Variants in GASK1A observed in about 807,000 individuals in gnomAD.
GASK1A encodes the protein Golgi-associated kinase 1A.
GASK1A carries 40 observed loss-of-function variants against 41.2 expected under a neutral mutation model. That is an observed-to-expected ratio of 0.97 (90% CI 0.75 to 1.27). The LOEUF is 1.27. GASK1A is among the 50% of genes most tolerant of loss of function. The probability of loss-of-function intolerance (pLI) is 0.00; values close to 1 mark genes in which losing one functional copy is unlikely to be tolerated. For missense variants in GASK1A, 678 were observed against 745.1 expected, an observed-to-expected ratio of 0.91 and a Z score of 1.05; for synonymous variants, 316 against 307.1, an observed-to-expected ratio of 1.03 and a Z score of -0.30.
intron 1 of GASK1A, among the ~76,000 whole-genome samples, chr3:43,025,591 C>G (rs2089543135): frequency 6.6e-6 from 1 of 152,176 alleles, no homozygotes; most frequent in Admixed American, 6.5e-5. Flanking sequence ...AAGAATGCGG[C>G]TAAGTGATCA....
chr3:43,029,556 T>C (rs138074708), intron 1 of GASK1A, among the ~76,000 whole-genome samples: 188 of 152,160 alleles, frequency 1.2e-3, no homozygotes, highest in African/African-American at 4.2e-3. Flanking sequence ...CAACCCCTTG[T>C]AGATGAGGGA....
chr3:42,999,585 G>A (rs896245376), intron 1 of GASK1A, among the ~76,000 whole-genome samples: 1 of 152,192 alleles, frequency 6.6e-6, no homozygotes, highest in Non-Finnish European at 1.5e-5. Context: ...TGTTGCCCAG[G>A]GACTCCTACA....
chr3:42,979,563 G>C lies in GASK1A; in HGVS notation c.-80G>C, dbSNP rs2089269067. On this transcript the variant is annotated 5_prime_UTR_variant, in exon 1 of 5. Transcript: ENST00000430121. The stretch of plus-strand genomic sequence containing the variant: ...GGGAAGCCTGGCGAGCCACGGCGCC[G>C]GGGGCGGCCAAGGGGAGGCGGGATG... The C allele has an allele frequency of 8.1e-7, 1 of 1,231,164 alleles. No homozygotes were observed. The highest frequency in any genetic ancestry group is 4.1e-5 in the South Asian group (1 of 24,222). The allele number at this position is 1,231,164 out of a possible 1,614,324, so 76.3% of individuals were successfully genotyped here. A position where few individuals can be genotyped will look rare whatever the true frequency, so the allele number is the denominator to read the frequency against.
At chr3:43,000,228 G>A (rs967913609) in intron 1 of GASK1A, among the ~76,000 whole-genome samples, 1 of 100,552 alleles carries the variant, frequency 9.9e-6, no homozygotes, top group African/African-American at 3.3e-5. Context: ...GCGTGCTCCT[G>A]GGGCCGAGTG....
chr3:42,996,977 G>A (rs1355190532), intron 1 of GASK1A, among the ~76,000 whole-genome samples: 6 of 152,234 alleles, frequency 3.9e-5, no homozygotes, highest in African/African-American at 1.2e-4. Context: ...CAGAGAGCTG[G>A]CAGCTGCATG....
chr3:43,014,121 T>G (rs1575441561), intron 1 of GASK1A, among the ~76,000 whole-genome samples: 1 of 151,456 alleles, frequency 6.6e-6, no homozygotes, highest in African/African-American at 2.4e-5. Flanking sequence ...GAAGGGGCTG[T>G]GTGAAGCCAC....
At chr3:43,037,487 G>C in intron 2 of GASK1A, 1 of 558,616 alleles carries the variant, frequency 1.8e-6, no homozygotes, top group East Asian at 2.8e-5. Flanking sequence ...ATGCTGGAAG[G>C]GTAAGGTATT....
At chr3:43,054,056 C>G (rs2089704830) in intron 3 of GASK1A, 1 of 337,474 alleles carries the variant, frequency 3.0e-6, no homozygotes, top group Non-Finnish European at 5.8e-6. Flanking sequence ...AGGGCATGAA[C>G]CCAAGACTGC....
intron 2 of GASK1A, among the ~76,000 whole-genome samples, chr3:43,052,592 C>T (rs1351157194): frequency 1.3e-5 from 2 of 152,148 alleles, no homozygotes; most frequent in East Asian, 1.9e-4. Context: ...CCCTACTGCT[C>T]AGCCGCCCTC....
chr3:43,014,059 C>A (rs2125680577), intron 1 of GASK1A, among the ~76,000 whole-genome samples: 1 of 139,508 alleles, frequency 7.2e-6, no homozygotes, highest in East Asian at 2.2e-4. Context: ...TGGTGTGATG[C>A]CACAGGAAGG....
chr3:43,014,050 GGTGTGATGCCACAGGAAGGGACTGTGT>G (rs1161842621), intron 1 of GASK1A, among the ~76,000 whole-genome samples: 2 of 137,366 alleles, frequency 1.5e-5, no homozygotes, highest in African/African-American at 2.8e-5. Flanking sequence ...AGGAAGAGGT[GGTGTGATGCCACAGGAAGGGACTGTGT>G]GAAGCCACAG....
intron 4 of GASK1A, 138 bp downstream of exon 4, chr3:43,055,673 G>A (rs546994496): frequency 1.2e-5 from 8 of 661,650 alleles, no homozygotes; most frequent in South Asian, 5.4e-5. Flanking sequence ...AACTTTAGGC[G>A]GTGGTGGGGA....
At chr3:43,014,231 T>G (rs1375765154) in intron 1 of GASK1A, among the ~76,000 whole-genome samples, 30 of 121,540 alleles carry the variant, frequency 2.5e-4, no homozygotes, top group East Asian at 5.3e-4. Context: ...CACAGGAAGG[T>G]GCTGTGTGAA....
Position 43,057,383 on chromosome 3 carries a change from C to G in GASK1A, c.*997C>G, listed in dbSNP as rs2089721325. The stretch of plus-strand genomic sequence containing the variant: ...CTGAGAGAAACTGCCAAATTGCTCT[C>G]TGAAATGGTGGTGTCAATTTACATT... On this transcript the variant is annotated 3_prime_UTR_variant, in exon 5 of 5. Coordinates refer to ENST00000430121, the MANE Select transcript of GASK1A (RefSeq NM_001129908.3). 6.6e-6 allele frequency: 1 copy of G among 152,160 alleles called. No homozygotes were observed. The highest frequency in any genetic ancestry group is 1.5e-5 in the Non-Finnish European group (1 of 68,036). 9.4% of individuals were successfully genotyped at this position (152,160 alleles called of 1,614,324 possible).
intron 1 of GASK1A, among the ~76,000 whole-genome samples, chr3:42,996,442 A>G (rs140184164): frequency 4.6e-5 from 7 of 152,174 alleles, no homozygotes; most frequent in Admixed American, 1.3e-4. Context: ...TCTTTTGTTC[A>G]TGATGTTTCT....
chr3:42,979,631 A>G lies in GASK1A; in HGVS notation c.-12A>G. On this transcript the variant is annotated 5_prime_UTR_variant, in exon 1 of 5. Coordinates refer to ENST00000430121, the MANE Select transcript of GASK1A (RefSeq NM_001129908.3). ...AGCGCGCCGAGGAGCCGGCCGGGGC[A>G]CCGCCGGGGACATGGTAGGACTCGC... is the stretch of plus-strand genomic sequence containing the variant. 8.0e-7 allele frequency: 1 copy of G among 1,244,066 alleles called. No individual in the cohort carries two copies. The highest frequency in any genetic ancestry group is 1.0e-6 in the Non-Finnish European group (1 of 987,624). 77.1% of individuals were successfully genotyped at this position (1,244,066 alleles called of 1,614,324 possible).
chr3:43,021,468 A>G (rs1186008387), intron 1 of GASK1A, among the ~76,000 whole-genome samples: 1 of 152,094 alleles, frequency 6.6e-6, no homozygotes, highest in Admixed American at 6.5e-5. Context: ...GCTCCCAAAT[A>G]TCCCCATTTT....
intron 1 of GASK1A, among the ~76,000 whole-genome samples, chr3:43,023,036 TC>T (rs1431161726): frequency 2.6e-5 from 4 of 152,218 alleles, no homozygotes; most frequent in African/African-American, 4.8e-5. Context: ...TGAAAAATTA[TC>T]CCCAAATGCT....
intron 1 of GASK1A, among the ~76,000 whole-genome samples, chr3:43,028,713 G>T (rs1324845439): frequency 6.6e-6 from 1 of 152,208 alleles, no homozygotes; most frequent in Non-Finnish European, 1.5e-5. Context: ...TGCAGTCCAG[G>T]TTTGGGGAGC....
Sources: gnomAD v4.1 joint callset for allele counts (sites outside exome capture counted in the v4.1 genomes callset) on GRCh38, gnomAD v4.1.1 for gene constraint, MANE v1.5 for transcripts, NCBI Gene and HGNC (gene_info 2026-07-23, HGNC 2026-07-21) for gene names.